Variants in ITGA1 observed in about 807,000 individuals in gnomAD.
ITGA1 encodes the protein integrin subunit alpha 1.
ITGA1 carries 85 observed loss-of-function variants against 145.9 expected under a neutral mutation model. That is an observed-to-expected ratio of 0.58 (90% CI 0.49 to 0.70). The LOEUF is 0.70. Among genes scored for constraint, ITGA1 ranks in the 30% least tolerant of loss-of-function variants. The pLI is 0.00. For synonymous variants in ITGA1, 520 were observed against 495.3 expected, an observed-to-expected ratio of 1.05 and a Z score of -0.66; for missense variants, 1,351 against 1,418.7, an observed-to-expected ratio of 0.95 and a Z score of 0.77.
intron 8 of ITGA1, among the ~76,000 whole-genome samples, chr5:52,889,238 A>G (rs896382029): frequency 2.0e-5 from 3 of 152,188 alleles, no homozygotes; most frequent in African/African-American, 7.2e-5. Context: ...AGTAGCTGGG[A>G]CCACAGGCGC....
rs1748267581 is a variant in ITGA1 at position 52,792,821 on chromosome 5, G to A, written c.61+4407G>A. Among the ~76,000 whole-genome samples the A allele has an allele frequency of 2.0e-5, 3 of 152,118 alleles. No homozygotes were observed. The South Asian group carries it at 6.2e-4, about 32-fold the overall frequency. ...AAGAAACTGAGATGAAAGATATTTT[G>A]AAACTGTTGCCACAGTGCTAAAGTC... On this transcript the variant is annotated intron_variant, in intron 1 of 28. Transcript: ENST00000282588.
In ITGA1 at chr5:52,839,569, G is replaced by A. The variant is rs373377355; in HGVS notation, c.62-9796G>A. 1.1e-3 allele frequency among the ~76,000 whole-genome samples: 168 copies of A among 152,258 alleles called. 6 individuals are homozygous for A. In the South Asian group the frequency reaches 0.034, roughly 31 times the overall value. On this transcript the variant is annotated intron_variant, in intron 1 of 28. Transcript: ENST00000282588. Reference sequence around the variant, plus strand: ...TACTCTGTCCATTCATGCCTTAAAAGAAAGAACCTGAAGAAAAAGTTGTAC... The same window carrying A: ...TACTCTGTCCATTCATGCCTTAAAAAAAAGAACCTGAAGAAAAAGTTGTAC...
chr5:52,832,771 G>GTGTGTGTGTGTGTGTC lies in ITGA1; in HGVS notation c.62-16579_62-16578insCTGTGTGTGTGTGTGT, dbSNP rs1308359384. Among the ~76,000 whole-genome samples the GTGTGTGTGTGTGTGTC allele has an allele frequency of 3.6e-3, 282 of 77,512 alleles. 1 individual carries two copies. Among genetic ancestry groups the GTGTGTGTGTGTGTGTC allele is most frequent in the African/African-American group, 0.013 (223 of 17,686 alleles). 50.9% of individuals were successfully genotyped at this position (77,512 alleles called of 152,430 possible). On this transcript the variant is annotated intron_variant, in intron 1 of 28. Transcript: ENST00000282588. Reference sequence around the variant, plus strand: ...CTGGCAGAAATATATAAATCTGTGTGTGTGTGTGTGTGTGTGTGTGTGTGT... The same window carrying GTGTGTGTGTGTGTGTC: ...CTGGCAGAAATATATAAATCTGTGTGTGTGTGTGTGTGTGTCTGTGTGTGTGTGTGTGTGTGTGTGT...
intron 14 of ITGA1, among the ~76,000 whole-genome samples, chr5:52,910,981 ATG>A (rs1263189550): frequency 2.3e-5 from 3 of 128,752 alleles, no homozygotes; most frequent in Non-Finnish European, 3.1e-5. Context: ...TATATATAGT[ATG>A]TATACTATAT....
chr5:52,950,972 C>T (rs768646427), intron 28 of ITGA1, among the ~76,000 whole-genome samples: 1 of 152,118 alleles, frequency 6.6e-6, no homozygotes, highest in African/African-American at 2.4e-5. Context: ...TGTAGGAGAG[C>T]TGGCATTTGG....
chr5:52,934,642 T>A (rs1388565227), intron 23 of ITGA1, among the ~76,000 whole-genome samples: 2 of 151,846 alleles, frequency 1.3e-5, no homozygotes, highest in Non-Finnish European at 2.9e-5. Context: ...TTATTTTAGG[T>A]AATGCCTAGT....
chr5:52,827,066 A>G (rs1259458285), intron 1 of ITGA1, among the ~76,000 whole-genome samples: 1 of 150,732 alleles, frequency 6.6e-6, no homozygotes, highest in Non-Finnish European at 1.5e-5. Context: ...GAAAGGATTT[A>G]CCATTATAGA....
intron 21 of ITGA1, among the ~76,000 whole-genome samples, 184 bp downstream of exon 21, chr5:52,929,885 G>C (rs1243481794): frequency 6.6e-6 from 1 of 152,024 alleles, no homozygotes; most frequent in Admixed American, 6.6e-5. Context: ...GCAAAATAAA[G>C]AAATTTTCAT....
intron 1 of ITGA1, among the ~76,000 whole-genome samples, chr5:52,815,380 G>A (rs557597424): frequency 2.0e-5 from 3 of 152,122 alleles, no homozygotes; most frequent in Admixed American, 6.6e-5. Context: ...ATAGTGAATG[G>A]GACATACTTA....
intron 28 of ITGA1, among the ~76,000 whole-genome samples, chr5:52,949,926 C>A (rs78903927): frequency 6.6e-6 from 1 of 152,156 alleles, no homozygotes; most frequent in African/African-American, 2.4e-5. Context: ...TTTCCTGAAT[C>A]CCACCAGTTT....
At chr5:52,800,480 C>T (rs757916583) in intron 1 of ITGA1, 18 of 1,614,110 alleles carry the variant, frequency 1.1e-5, no homozygotes, top group Non-Finnish European at 8.5e-6. Context: ...ATGTGGCACA[C>T]TTACAACCTC....
intron 1 of ITGA1, among the ~76,000 whole-genome samples, chr5:52,831,753 C>G (rs760169972): frequency 1.7e-4 from 5 of 28,696 alleles, no homozygotes; most frequent in Non-Finnish European, 4.4e-4. Context: ...GACCTTCTAC[C>G]TTTCCTTTCA....
chr5:52,801,542 A>C lies in ITGA1; in HGVS notation c.61+13128A>C, dbSNP rs753082949. ...GATGACTTCTATAAAATGTTACAGCATGAACCGGATCGAGCTTTCTATGGA... is the reference window on the plus strand; with the variant it reads ...GATGACTTCTATAAAATGTTACAGCCTGAACCGGATCGAGCTTTCTATGGA... On this transcript the variant is annotated intron_variant, in intron 1 of 28. Transcript: ENST00000282588. 1.9e-6 allele frequency: 3 copies of C among 1,614,216 alleles called. No homozygotes were observed. In the South Asian group the frequency reaches 3.3e-5, roughly 18 times the overall value.
chr5:52,855,573 G>T (rs1386370100), intron 2 of ITGA1, among the ~76,000 whole-genome samples: 2 of 152,068 alleles, frequency 1.3e-5, no homozygotes, highest in African/African-American at 4.8e-5. Context: ...ATATTCTACT[G>T]GGGAATAGAG....
chr5:52,800,652 C>T lies in ITGA1; in HGVS notation c.61+12238C>T, dbSNP rs141211888. 2.3e-4 allele frequency: 376 copies of T among 1,614,094 alleles called. 1 individual carries two copies. Among genetic ancestry groups the T allele is most frequent in the Middle Eastern group, 9.9e-4 (6 of 6,062 alleles). ...CCTGCCAGCTGCGGGTTAAGGGGAC[C>T]AACATCCAAGAGAATGAGTATGTCA... On this transcript the variant is annotated intron_variant, in intron 1 of 28. Transcript: ENST00000282588.
At chr5:52,935,957 C>CT (rs763649629) in intron 23 of ITGA1, among the ~76,000 whole-genome samples, 480 of 9,594 alleles carry the variant, frequency 0.05, 225 homozygotes, top group Non-Finnish European at 0.073. Context: ...CACAGGATTT[C>CT]TTTTTTTTTT....
intron 1 of ITGA1, among the ~76,000 whole-genome samples, chr5:52,834,094 G>A (rs976065016): frequency 6.6e-6 from 1 of 152,308 alleles, no homozygotes; most frequent in South Asian, 2.1e-4. Context: ...TGTGAAGGCA[G>A]TTCATTCCTG....
At chr5:52,942,773 C>A (rs1360804947) in intron 26 of ITGA1, among the ~76,000 whole-genome samples, 1 of 151,324 alleles carries the variant, frequency 6.6e-6, no homozygotes, top group South Asian at 2.1e-4. Context: ...GATCTCCTGA[C>A]CTCATGATCT....
At chr5:52,839,745 T>C (rs774606472) in intron 1 of ITGA1, among the ~76,000 whole-genome samples, 15 of 152,274 alleles carry the variant, frequency 9.9e-5, no homozygotes, top group Middle Eastern at 3.4e-3. Context: ...AAAGCAGAAA[T>C]AGTATACAAG....
Sources: allele counts gnomAD v4.1 joint callset (sites outside exome capture counted in the v4.1 genomes callset), GRCh38; gene constraint gnomAD v4.1.1; transcripts MANE v1.5; gene names NCBI Gene and HGNC (gene_info 2026-07-23, HGNC 2026-07-21).